SGK1: variants seen among roughly 807,000 people sequenced by gnomAD.
SGK1 encodes the protein serine/threonine-protein kinase Sgk1.
SGK1 carries 26 observed loss-of-function variants against 64.2 expected under a neutral mutation model. The ratio of observed to expected loss-of-function variants is 0.40; its 90% CI spans 0.30 to 0.56. The LOEUF (loss-of-function observed/expected upper bound fraction) is 0.56, where lower values mean the gene tolerates loss of function less well. Ranked by LOEUF, SGK1 falls within the 20% of genes least tolerant of loss-of-function variation. The pLI is 0.38. For synonymous variants in SGK1, 265 were observed against 239.7 expected, an observed-to-expected ratio of 1.11 and a Z score of -0.98; for missense variants, 519 against 645.6, an observed-to-expected ratio of 0.80 and a Z score of 2.12.
intron 1 of SGK1, among the ~76,000 whole-genome samples, chr6:134,315,410 ATG>A (rs1176692657): frequency 2.0e-5 from 3 of 152,232 alleles, no homozygotes; most frequent in Non-Finnish European, 4.4e-5. Context: ...TTCTTTCTGC[ATG>A]TACTCAGATA....
At chr6:134,244,183 T>G (rs1776490167) in intron 2 of SGK1, among the ~76,000 whole-genome samples, 1 of 151,248 alleles carries the variant, frequency 6.6e-6, no homozygotes, top group African/African-American at 2.4e-5. Flanking sequence ...CCATATGTTC[T>G]CATTGTTCAA....
At chr6:134,236,902 C>A (rs192501761) in intron 2 of SGK1, among the ~76,000 whole-genome samples, 11 of 152,252 alleles carry the variant, frequency 7.2e-5, no homozygotes, top group African/African-American at 2.6e-4. Flanking sequence ...GCCATCACTG[C>A]TATTTTAAAT....
intron 3 of SGK1, among the ~76,000 whole-genome samples, chr6:134,185,537 C>G (rs549422645): frequency 1.4e-5 from 2 of 138,222 alleles, no homozygotes; most frequent in African/African-American, 5.2e-5. Flanking sequence ...TATGAAACTA[C>G]ACTTTCATAT....
intron 2 of SGK1, among the ~76,000 whole-genome samples, chr6:134,224,840 G>A (rs899046760): frequency 2.0e-5 from 3 of 150,664 alleles, no homozygotes; most frequent in African/African-American, 7.3e-5. Flanking sequence ...GGCTAACATG[G>A]TGAAACCCCA....
intron 1 of SGK1, among the ~76,000 whole-genome samples, chr6:134,294,767 A>T (rs1226835127): frequency 6.6e-6 from 1 of 152,046 alleles, no homozygotes; most frequent in Non-Finnish European, 1.5e-5. Flanking sequence ...CGAACTCCTG[A>T]TCCTCCCCCC....
At position 134,173,267 on chromosome 6, in the gene SGK1, C is replaced by G. The variant is rs1388278447; in HGVS notation, c.702+7G>C. The G allele has an allele frequency of 5.0e-6, 8 of 1,612,382 alleles. No homozygotes were observed. The highest frequency in any genetic ancestry group is 6.8e-6 in the Non-Finnish European group (8 of 1,178,406). On this transcript the variant is annotated splice_region_variant and intron_variant, in intron 7 of 13. Transcript: ENST00000367858. ...CCAATGCCAGCCCCATCAAGCACAT[C>G]TCATACCTCTTTCTTTTTCAGGATT...
chr6:134,311,485 A>G (rs1777607588), intron 1 of SGK1, among the ~76,000 whole-genome samples: 1 of 152,006 alleles, frequency 6.6e-6, no homozygotes, highest in Non-Finnish European at 1.5e-5. Flanking sequence ...TCTACTAAAA[A>G]AAAAAATACA....
chr6:134,267,138 A>C (rs1776866058), intron 1 of SGK1, among the ~76,000 whole-genome samples: 1 of 151,328 alleles, frequency 6.6e-6, no homozygotes, highest in Non-Finnish European at 1.5e-5. Context: ...GAACACCCGC[A>C]CTCTAGAGCT....
chr6:134,294,101 A>G (rs2114783198), intron 1 of SGK1, among the ~76,000 whole-genome samples: 1 of 152,348 alleles, frequency 6.6e-6, no homozygotes, highest in African/African-American at 2.4e-5. Context: ...ACAACAGCAA[A>G]GAACCCTTTG....
At chr6:134,263,827 T>G (rs972903791) in intron 1 of SGK1, among the ~76,000 whole-genome samples, 2 of 152,220 alleles carry the variant, frequency 1.3e-5, no homozygotes, top group Non-Finnish European at 2.9e-5. Context: ...TTTGGGAGGC[T>G]AAGGCAGGCA....
Position 134,225,153 on chromosome 6 carries a change from C to G in SGK1, c.286-17722G>C, listed in dbSNP as rs1776151789. ...TCACTTGAGGTCAGGAGTGTGAGAC[C>G]AGCCTGGCCAACATGGTGAAACGCT... On this transcript the variant is annotated intron_variant, in intron 2 of 13. Coordinates refer to ENST00000367858, the MANE Select transcript of SGK1 (RefSeq NM_001143676.3). Among the ~76,000 whole-genome samples the G allele has an allele frequency of 2.0e-5, 3 of 151,330 alleles. No individual in the cohort carries two copies. In the South Asian group the frequency reaches 6.3e-4, roughly 32 times the overall value.
intron 2 of SGK1, among the ~76,000 whole-genome samples, chr6:134,219,492 A>G (rs1776044461): frequency 6.6e-6 from 1 of 152,108 alleles, no homozygotes; most frequent in Non-Finnish European, 1.5e-5. Flanking sequence ...CAGCCGCGGT[A>G]TCTCACGCCT....
At chr6:134,185,957 C>A (rs540622257) in intron 3 of SGK1, among the ~76,000 whole-genome samples, 19 of 152,256 alleles carry the variant, frequency 1.2e-4, no homozygotes, top group African/African-American at 4.1e-4. Flanking sequence ...CACTACCCCC[C>A]ACACCCCCCT....
intron 1 of SGK1, among the ~76,000 whole-genome samples, chr6:134,308,492 A>G (rs1221363911): frequency 6.6e-6 from 1 of 152,198 alleles, no homozygotes; most frequent in Non-Finnish European, 1.5e-5. Flanking sequence ...AGATAGCAAG[A>G]TGTTCCTTAA....
chr6:134,171,209 A>G, intron 11 of SGK1, 31 bp from the exon 12 acceptor site: 1 of 1,607,816 alleles, frequency 6.2e-7, no homozygotes, highest in Non-Finnish European at 8.5e-7. Flanking sequence ...CTTTAGACTT[A>G]ATTGGAAGTT....
At chr6:134,243,548 C>T (rs536746629) in intron 2 of SGK1, among the ~76,000 whole-genome samples, 1 of 152,048 alleles carries the variant, frequency 6.6e-6, no homozygotes, top group African/African-American at 2.4e-5. Flanking sequence ...TTTGTATTTT[C>T]AGTAGAGACG....
Position 134,275,722 on chromosome 6 carries a change from G to A in SGK1, c.70-13574C>T, listed in dbSNP as rs770164663. ...AGACCAAGTCTCCTAGGGTCTGGACGCCTATCTTCTATTGTGCCCGGAATG... is the reference window on the plus strand; with the variant it reads ...AGACCAAGTCTCCTAGGGTCTGGACACCTATCTTCTATTGTGCCCGGAATG... On this transcript the variant is annotated intron_variant, in intron 1 of 13. Coordinates refer to ENST00000367858, the MANE Select transcript of SGK1 (RefSeq NM_001143676.3). 7.2e-5 allele frequency among the ~76,000 whole-genome samples: 11 copies of A among 152,068 alleles called. No individual in the cohort carries two copies. The East Asian group carries it at 7.7e-4, about 11-fold the overall frequency.
chr6:134,216,468 A>G (rs1233017703), intron 2 of SGK1, among the ~76,000 whole-genome samples: 1 of 152,228 alleles, frequency 6.6e-6, no homozygotes, highest in Non-Finnish European at 1.5e-5. Context: ...CGTCTTGCAA[A>G]TAGTAATTTT....
chr6:134,222,468 T>C (rs1386657885), intron 2 of SGK1, among the ~76,000 whole-genome samples: 1 of 152,036 alleles, frequency 6.6e-6, no homozygotes, highest in Non-Finnish European at 1.5e-5. Flanking sequence ...CCCAAGTAGC[T>C]GGGATTACAG....
Sources: gnomAD v4.1 joint callset for allele counts (sites outside exome capture counted in the v4.1 genomes callset) on GRCh38, gnomAD v4.1.1 for gene constraint, MANE v1.5 for transcripts, NCBI Gene and HGNC (gene_info 2026-07-23, HGNC 2026-07-21) for gene names.